Variants in COL26A1 observed in about 807,000 individuals in gnomAD.
The protein encoded by COL26A1 is collagen type XXVI alpha 1 chain.
COL26A1 carries 41 observed loss-of-function variants against 59.3 expected under a neutral mutation model. The observed-to-expected ratio is 0.69, with a 90% CI of 0.54 to 0.90. COL26A1 has a LOEUF of 0.90. COL26A1 is among the 40% of genes least tolerant of loss of function. The pLI is 0.00. For missense variants in COL26A1, 612 were observed against 602.3 expected, an observed-to-expected ratio of 1.02 and a Z score of -0.17; for synonymous variants, 266 against 256.0, an observed-to-expected ratio of 1.04 and a Z score of -0.37.
intron 1 of COL26A1, among the ~76,000 whole-genome samples, chr7:101,389,968 C>G (rs1309538343): frequency 6.6e-6 from 1 of 152,032 alleles, no homozygotes; most frequent in Non-Finnish European, 1.5e-5. Context: ...CCTTTTCACT[C>G]TGTTGATTGG....
intron 3 of COL26A1, among the ~76,000 whole-genome samples, chr7:101,453,306 G>A (rs188551703): frequency 1.2e-3 from 180 of 152,314 alleles, no homozygotes; most frequent in African/African-American, 4.2e-3. Context: ...GGAAGAGGTT[G>A]CAGTGAGCTA....
intron 1 of COL26A1, among the ~76,000 whole-genome samples, chr7:101,370,150 C>T (rs1220593286): frequency 2.0e-5 from 3 of 151,542 alleles, no homozygotes; most frequent in Non-Finnish European, 2.9e-5. Flanking sequence ...CATGAACCAC[C>T]GCGCCTGGCC....
intron 1 of COL26A1, among the ~76,000 whole-genome samples, chr7:101,405,497 AT>A (rs911071066): frequency 4.0e-5 from 6 of 151,474 alleles, no homozygotes; most frequent in Admixed American, 2.0e-4. Context: ...TGCCCAGCTA[AT>A]TTTTTTTTCC....
At chr7:101,411,443 C>T (rs1792238803) in intron 1 of COL26A1, among the ~76,000 whole-genome samples, 1 of 151,856 alleles carries the variant, frequency 6.6e-6, no homozygotes, top group Non-Finnish European at 1.5e-5. Context: ...CAGGAGGGGC[C>T]GAGGTTCAGG....
intron 1 of COL26A1, among the ~76,000 whole-genome samples, chr7:101,386,779 C>T (rs1045281979): frequency 1.3e-5 from 2 of 152,146 alleles, no homozygotes; most frequent in Non-Finnish European, 2.9e-5. Context: ...ACAGGGAGCA[C>T]GGTGGACCCA....
At chr7:101,515,233 T>C (rs775887610) in intron 3 of COL26A1, among the ~76,000 whole-genome samples, 1 of 152,146 alleles carries the variant, frequency 6.6e-6, no homozygotes, top group East Asian at 1.9e-4. Flanking sequence ...GCCTCTCTGA[T>C]CAAGGAGAAA....
chr7:101,553,399 TTCCCTCCCGCCTCCTTGGCTGTGAG>T (rs1442178220), intron 11 of COL26A1, 23 bp downstream of exon 11: 9 of 1,610,050 alleles, frequency 5.6e-6, no homozygotes, highest in African/African-American at 1.3e-5. Flanking sequence ...GCCCTTCACG[TTCCCTCCCGCCTCCTTGGCTGTGAG>T]CACTGTCACG....
intron 3 of COL26A1, among the ~76,000 whole-genome samples, chr7:101,463,273 T>A (rs1475469393): frequency 6.6e-6 from 1 of 152,170 alleles, no homozygotes; most frequent in African/African-American, 2.4e-5. Context: ...ACAGTGTTAG[T>A]TTTTTTGTGA....
intron 1 of COL26A1, among the ~76,000 whole-genome samples, chr7:101,385,724 T>A (rs976363921): frequency 1.3e-5 from 2 of 151,102 alleles, no homozygotes; most frequent in African/African-American, 4.9e-5. Context: ...GTTTATTTGT[T>A]TTTTGAGTCT....
chr7:101,521,650 T>C (rs566934650), intron 3 of COL26A1, among the ~76,000 whole-genome samples: 3 of 152,312 alleles, frequency 2.0e-5, no homozygotes, highest in East Asian at 1.9e-4. Context: ...CAAGGTTGGA[T>C]TGGCATTTGA....
chr7:101,483,263 T>C (rs1014872590), intron 3 of COL26A1, among the ~76,000 whole-genome samples: 1 of 151,574 alleles, frequency 6.6e-6, no homozygotes, highest in Non-Finnish European at 1.5e-5. Flanking sequence ...AGTGGCATGA[T>C]CTTGGCTCAC....
intron 1 of COL26A1, among the ~76,000 whole-genome samples, chr7:101,410,334 A>G (rs1438629095): frequency 6.6e-6 from 1 of 152,220 alleles, no homozygotes; most frequent in East Asian, 1.9e-4. Context: ...AGAGCAAACT[A>G]GGGAAAAATA....
At chr7:101,439,265 T>G (rs936317207) in intron 2 of COL26A1, among the ~76,000 whole-genome samples, 2 of 151,986 alleles carry the variant, frequency 1.3e-5, no homozygotes, top group African/African-American at 4.8e-5. Context: ...TCCTGGGTGC[T>G]GGGCAGATGT....
At chr7:101,529,871 G>T (rs566058795) in intron 3 of COL26A1, among the ~76,000 whole-genome samples, 31 of 152,216 alleles carry the variant, frequency 2.0e-4, no homozygotes, top group Admixed American at 4.6e-4. Context: ...AGTGATCCTG[G>T]TCAACCCACA....
At chr7:101,462,025 A>C (rs1428980844) in intron 3 of COL26A1, among the ~76,000 whole-genome samples, 1 of 142,076 alleles carries the variant, frequency 7.0e-6, no homozygotes, top group Non-Finnish European at 1.5e-5. Flanking sequence ...TTTGAGACGA[A>C]GTCTTGCTCT....
intron 12 of COL26A1, among the ~76,000 whole-genome samples, chr7:101,556,829 G>A (rs970210105): frequency 5.9e-5 from 9 of 151,808 alleles, no homozygotes; most frequent in Middle Eastern, 6.3e-3. Flanking sequence ...TGGATGGATG[G>A]ATGATAGATG....
chr7:101,390,100 G>A (rs142246991), intron 1 of COL26A1, among the ~76,000 whole-genome samples: 203 of 135,740 alleles, frequency 1.5e-3, no homozygotes, highest in African/African-American at 5.4e-3. Flanking sequence ...CCAATCTAGT[G>A]TCATGAAGCT....
At chr7:101,441,974 A>G (rs1406166687) in intron 2 of COL26A1, among the ~76,000 whole-genome samples, 1 of 152,078 alleles carries the variant, frequency 6.6e-6, no homozygotes, top group African/African-American at 2.4e-5. Context: ...TACCTGTGCA[A>G]TGTTGTATAG....
At chr7:101,378,454 A>T (rs1791369541) in intron 1 of COL26A1, among the ~76,000 whole-genome samples, 1 of 152,092 alleles carries the variant, frequency 6.6e-6, no homozygotes, top group African/African-American at 2.4e-5. Flanking sequence ...CCGGGGAGGC[A>T]GAGGTTGCAG....
Sources: allele counts gnomAD v4.1 joint callset (sites outside exome capture counted in the v4.1 genomes callset), GRCh38; gene constraint gnomAD v4.1.1; transcripts MANE v1.5; gene names NCBI Gene and HGNC (gene_info 2026-07-23, HGNC 2026-07-21).